Variants in KIF21A observed in about 807,000 individuals in gnomAD.
KIF21A encodes the protein kinesin family member 21A, also known as kinesin-like protein KIF21A.
A neutral mutation model predicts 202.9 loss-of-function variants in KIF21A; 114 were observed. The ratio of observed to expected loss-of-function variants is 0.56; its 90% CI spans 0.48 to 0.66. The LOEUF (loss-of-function observed/expected upper bound fraction) is 0.66, where lower values mean the gene tolerates loss of function less well. Ranked by LOEUF, KIF21A falls within the 30% of genes least tolerant of loss-of-function variation. The pLI is 0.00. For synonymous variants in KIF21A, 667 were observed against 670.8 expected, an observed-to-expected ratio of 0.99 and a Z score of 0.09; for missense variants, 1,677 against 1,994.9, an observed-to-expected ratio of 0.84 and a Z score of 3.04.
chr12:39,361,553 GCT>G (rs1949216576), intron 7 of KIF21A, among the ~76,000 whole-genome samples: 1 of 127,014 alleles, frequency 7.9e-6, no homozygotes, highest in Non-Finnish European at 1.6e-5. Flanking sequence ...ACGGAGTCTC[GCT>G]CTGTCTCCCA....
intron 27 of KIF21A, among the ~76,000 whole-genome samples, chr12:39,320,521 A>G (rs1319340653): frequency 6.6e-6 from 1 of 152,178 alleles, no homozygotes; most frequent in Admixed American, 6.5e-5. Context: ...GTATCTATGT[A>G]CATTTTAGTA....
At chr12:39,346,536 C>T (rs2138543153) in intron 11 of KIF21A, 32 bp from the exon 12 acceptor site, 2 of 1,402,946 alleles carry the variant, frequency 1.4e-6, no homozygotes, top group Non-Finnish European at 9.3e-7. Context: ...TATTGGAAGG[C>T]CAAGCCAATG....
At position 39,351,893 on chromosome 12, in the gene KIF21A, T is replaced by A; in HGVS notation, c.1557A>T (p.Gly519=). ...RATARAPYFS[G]SSTFSPTILS... ...GTATGGTAGGAGAAAAAGTTGATGA[T>A]CCGCTGAAATATGGCGCTCTTGCTG... The change falls in exon 11 of 38, where the codon GGA becomes GGT. Residue 519 remains glycine (G), a synonymous_variant. Coordinates refer to ENST00000361418, the MANE Select transcript of KIF21A (RefSeq NM_001173464.2). The A allele has an allele frequency of 6.2e-7, 1 of 1,613,318 alleles. No homozygotes were observed. The highest frequency in any genetic ancestry group is 8.5e-7 in the Non-Finnish European group (1 of 1,179,408).
intron 27 of KIF21A, chr12:39,322,440 G>A (rs1945378356): frequency 2.3e-6 from 1 of 443,662 alleles, no homozygotes; most frequent in Non-Finnish European, 4.0e-6. Context: ...CCTTAAGAAT[G>A]ATCCTAAAAC....
chr12:39,335,962 T>C (rs1946928440), intron 17 of KIF21A, among the ~76,000 whole-genome samples: 1 of 152,182 alleles, frequency 6.6e-6, no homozygotes, highest in Non-Finnish European at 1.5e-5. Flanking sequence ...CATTCCAAAA[T>C]AAATTTCCAT....
intron 1 of KIF21A, among the ~76,000 whole-genome samples, chr12:39,416,441 C>T (rs981219029): frequency 2.6e-5 from 4 of 151,592 alleles, no homozygotes; most frequent in African/African-American, 9.7e-5. Flanking sequence ...ACTAAAAATA[C>T]AAAAATTAGC....
At chr12:39,316,630 C>T (rs1340745983) in intron 29 of KIF21A, among the ~76,000 whole-genome samples, 4 of 151,974 alleles carry the variant, frequency 2.6e-5, no homozygotes, top group Non-Finnish European at 5.9e-5. Context: ...AAAATCTATT[C>T]GACTGTACAA....
chr12:39,331,030 C>T (rs1946462942), intron 22 of KIF21A, 119 bp from the exon 23 acceptor site: 12 of 954,866 alleles, frequency 1.3e-5, no homozygotes, highest in Admixed American at 1.9e-5. Flanking sequence ...GACCTCGAGT[C>T]ATCCCAGCTC....
At position 39,330,350 on chromosome 12, in the gene KIF21A, T is replaced by C. The variant is rs968595142; in HGVS notation, c.3320-88A>G. 3.3e-5 allele frequency: 39 copies of C among 1,173,246 alleles called. No individual in the cohort carries two copies. In the Admixed American group the frequency reaches 5.6e-4, roughly 17 times the overall value. 72.7% of individuals were successfully genotyped at this position (1,173,246 alleles called of 1,614,324 possible). On this transcript the variant is annotated intron_variant, in intron 23 of 37. Coordinates refer to ENST00000361418, the MANE Select transcript of KIF21A (RefSeq NM_001173464.2). The stretch of plus-strand genomic sequence containing the variant: ...TAAAAACTCCCACATAAAACAAGAT[T>C]ATGTACCATTTACATGTAGAATAGA...
At chr12:39,307,817 A>G (rs1943623162) in intron 33 of KIF21A, 88 bp from the exon 34 acceptor site, 6 of 1,084,080 alleles carry the variant, frequency 5.5e-6, no homozygotes, top group Non-Finnish European at 8.3e-6. Context: ...AACTGGCTGT[A>G]GGCAACAACA....
intron 6 of KIF21A, among the ~76,000 whole-genome samples, chr12:39,365,403 A>G (rs1949529183): frequency 6.6e-6 from 1 of 152,222 alleles, no homozygotes; most frequent in South Asian, 2.1e-4. Flanking sequence ...GGATGTCATT[A>G]CATTTGTGCA....
chr12:39,392,027 C>G (rs571238981), intron 1 of KIF21A, among the ~76,000 whole-genome samples: 3 of 152,150 alleles, frequency 2.0e-5, no homozygotes, highest in South Asian at 4.2e-4. Flanking sequence ...AATGAGCCAC[C>G]GCACCCAGCC....
In KIF21A at chr12:39,327,417, C is replaced by T. The variant is rs73086862; in HGVS notation, c.3341-1093G>A. Among the ~76,000 whole-genome samples the T allele has an allele frequency of 9.7e-3, 1,471 of 152,226 alleles. 7 individuals carry two copies. The highest frequency in any genetic ancestry group is 0.016 in the Non-Finnish European group (1,068 of 68,014). ...ATCTCATTAGAGGGAGGCTCAAGGA[C>T]TTGCTTCACAGAAAAGATAACTGAG... On this transcript the variant is annotated intron_variant, in intron 24 of 37. Transcript: ENST00000361418.
chr12:39,439,201 C>T (rs1428639104), intron 1 of KIF21A, among the ~76,000 whole-genome samples: 12 of 152,100 alleles, frequency 7.9e-5, no homozygotes, highest in Non-Finnish European at 1.5e-5. Flanking sequence ...TTTTCTTAAT[C>T]GAAGGATGTG....
Position 39,341,109 on chromosome 12 carries a change from A to G in KIF21A, c.1922-15T>C, listed in dbSNP as rs1046297092. On this transcript the variant is annotated splice_polypyrimidine_tract_variant and intron_variant, in intron 14 of 37. Transcript: ENST00000361418. ...TTGATAATTGGCTATTTATAAAAGA[A>G]GAAAATAAAAATCCTGGTGCTAGGC... is the stretch of plus-strand genomic sequence containing the variant. 7.6e-6 allele frequency: 12 copies of G among 1,573,608 alleles called. No homozygotes were observed. Among genetic ancestry groups the G allele is most frequent in the Non-Finnish European group, 9.5e-6 (11 of 1,154,386 alleles).
At chr12:39,311,625 T>G (rs1406887720) in intron 31 of KIF21A, 72 bp from the exon 32 acceptor site, 3 of 1,554,964 alleles carry the variant, frequency 1.9e-6, no homozygotes, top group Non-Finnish European at 1.8e-6. Flanking sequence ...AGACTAGTTT[T>G]GTTTTTTTCC....
chr12:39,418,627 G>A lies in KIF21A; in HGVS notation c.44+24300C>T, dbSNP rs182875158. 1.1e-3 allele frequency among the ~76,000 whole-genome samples: 175 copies of A among 152,334 alleles called. 1 individual carries two copies. Among genetic ancestry groups the A allele is most frequent in the African/African-American group, 4.0e-3 (165 of 41,586 alleles). On this transcript the variant is annotated intron_variant, in intron 1 of 37. Coordinates refer to ENST00000361418, the MANE Select transcript of KIF21A (RefSeq NM_001173464.2). ...CAGAATGTTCCTCTATGAATGGTGA[G>A]CACTCAAGCTTCTACAGTAGCATCA... is the stretch of plus-strand genomic sequence containing the variant.
intron 1 of KIF21A, among the ~76,000 whole-genome samples, chr12:39,385,000 T>A (rs1266287287): frequency 6.6e-6 from 1 of 152,206 alleles, no homozygotes; most frequent in East Asian, 1.9e-4. Flanking sequence ...CTTTCTCCAG[T>A]CTGCTAAAAT....
At chr12:39,327,605 G>A (rs1484650876) in intron 24 of KIF21A, among the ~76,000 whole-genome samples, 2 of 152,152 alleles carry the variant, frequency 1.3e-5, no homozygotes, top group South Asian at 2.1e-4. Context: ...CAAGTGCTTC[G>A]TAAAAAGCTC....
Sources: allele counts gnomAD v4.1 joint callset (sites outside exome capture counted in the v4.1 genomes callset), GRCh38; gene constraint gnomAD v4.1.1; transcripts MANE v1.5; gene names NCBI Gene and HGNC (gene_info 2026-07-23, HGNC 2026-07-21).